Variants in ABCC1 observed in about 807,000 individuals in gnomAD.
The protein encoded by ABCC1 is ATP binding cassette subfamily C member 1 (ABCC1 blood group).
A neutral mutation model predicts 172.9 loss-of-function variants in ABCC1; 83 were observed. The observed-to-expected ratio is 0.48, with a 90% CI of 0.40 to 0.58. The LOEUF is 0.58. ABCC1 is among the 20% of genes least tolerant of loss of function. The pLI, the probability that ABCC1 is intolerant of heterozygous loss-of-function variation, is 0.00. For synonymous variants in ABCC1, 937 were observed against 825.2 expected, an observed-to-expected ratio of 1.14 and a Z score of -2.32; for missense variants, 1,817 against 2,002.7, an observed-to-expected ratio of 0.91 and a Z score of 1.77.
At chr16:16,038,574 C>A (rs1024006866) in intron 7 of ABCC1, among the ~76,000 whole-genome samples, 1 of 152,158 alleles carries the variant, frequency 6.6e-6, no homozygotes, top group Admixed American at 6.6e-5. Flanking sequence ...GAGGATGGAT[C>A]TTCCTTAGTC....
chr16:15,966,753 C>T (rs985570995), intron 1 of ABCC1, among the ~76,000 whole-genome samples: 2 of 151,358 alleles, frequency 1.3e-5, no homozygotes, highest in South Asian at 2.1e-4. Flanking sequence ...TGGCCTCAAG[C>T]GATCTTCCTG....
In ABCC1 at chr16:16,136,548, T is replaced by C. The variant is rs1176817207; in HGVS notation, c.4196T>C (p.Val1399Ala). ...TTCAGCCAGTACTCGGATGAAGAAG[T>C]CTGGACGTCCCTGGAGCTGGCCCAC... ...DPFSQYSDEEVWTSLELAHLK... is the reference protein window; with the variant it reads ...DPFSQYSDEEAWTSLELAHLK... Residue 1399 changes from valine (V) to alanine (A), a missense_variant, in exon 29 of 31, where the codon GTC becomes GCC. Coordinates refer to ENST00000399410, the MANE Select transcript of ABCC1 (RefSeq NM_004996.4). 1 of 1,613,978 alleles carries C rather than the reference T, an allele frequency of 6.2e-7. No homozygotes were observed. The highest frequency in any genetic ancestry group is 8.5e-7 in the Non-Finnish European group (1 of 1,180,022).
At chr16:16,138,669 C>T in intron 30 of ABCC1, 111 bp downstream of exon 30, 1 of 825,046 alleles carries the variant, frequency 1.2e-6, no homozygotes, top group Non-Finnish European at 1.7e-6. Flanking sequence ...AGTGACAGCC[C>T]CAGTGGGTGG....
intron 3 of ABCC1, among the ~76,000 whole-genome samples, chr16:16,010,715 A>G (rs2047744958): frequency 6.6e-6 from 1 of 152,176 alleles, no homozygotes; most frequent in South Asian, 2.1e-4. Context: ...CTTGAAATTC[A>G]TTGAATTTTC....
At chr16:15,997,466 G>A (rs1053316938) in intron 1 of ABCC1, among the ~76,000 whole-genome samples, 2 of 152,164 alleles carry the variant, frequency 1.3e-5, no homozygotes, top group Non-Finnish European at 2.9e-5. Flanking sequence ...TGCAGTGACC[G>A]GTGACCGTGT....
chr16:16,046,766 T>A (rs1255863352), intron 9 of ABCC1, among the ~76,000 whole-genome samples: 2 of 54,458 alleles, frequency 3.7e-5, no homozygotes, highest in African/African-American at 1.9e-4. Flanking sequence ...TCCCTATAAA[T>A]TTTTTTTTTT....
chr16:15,986,582 T>C (rs755155743), intron 1 of ABCC1, among the ~76,000 whole-genome samples: 2 of 152,290 alleles, frequency 1.3e-5, no homozygotes, highest in Admixed American at 6.5e-5. Flanking sequence ...AACAGTTTCA[T>C]CCTGAAAGCC....
chr16:16,136,377 C>A, intron 28 of ABCC1, 101 bp from the exon 29 acceptor site: 3 of 1,311,938 alleles, frequency 2.3e-6, no homozygotes, highest in South Asian at 1.5e-5. Flanking sequence ...AGCTCTGATA[C>A]CCCACCTTCA....
rs113883981 is a variant in ABCC1, at chr16:16,091,697, G to T, written c.2644+1109G>T. Among the ~76,000 whole-genome samples the T allele has an allele frequency of 6.4e-3, 980 of 152,284 alleles. 9 individuals carry two copies. The highest frequency in any genetic ancestry group is 0.022 in the African/African-American group (932 of 41,578). On this transcript the variant is annotated intron_variant, in intron 19 of 30. Coordinates refer to ENST00000399410, the MANE Select transcript of ABCC1 (RefSeq NM_004996.4). The stretch of plus-strand genomic sequence containing the variant: ...GCCAGACCATGGTGTGCCAGGACGT[G>T]GGGGGCAGGAGAAGAGGTCAGCACA...
At position 15,992,865 on chromosome 16, in the gene ABCC1, C is replaced by A. The variant is rs76154268; in HGVS notation, c.49-14951C>A. Among the ~76,000 whole-genome samples the A allele has an allele frequency of 1.0e-3, 155 of 152,280 alleles. 1 individual carries two copies. The highest frequency in any genetic ancestry group is 3.4e-3 in the Middle Eastern group (1 of 294). ...TGACTTCTCCCGCCCAATCTTGGGT[C>A]CTAGCTCATTGGTGCAGCCATATCC... On this transcript the variant is annotated intron_variant, in intron 1 of 30. Coordinates refer to ENST00000399410, the MANE Select transcript of ABCC1 (RefSeq NM_004996.4).
At chr16:16,009,989 T>G (rs2047715458) in intron 3 of ABCC1, 88 bp downstream of exon 3, 3 of 1,092,174 alleles carry the variant, frequency 2.7e-6, no homozygotes, top group Non-Finnish European at 3.6e-6. Context: ...GAATCATAGT[T>G]TTTTAAGGCA....
At position 16,063,722 on chromosome 16, in the gene ABCC1, C is replaced by T. The variant is rs1033703158; in HGVS notation, c.1678-4434C>T. Reference sequence around the variant, plus strand: ...TGGGAATAACAACGTCTCTGACTCTCAGCTCTGCTTTCTTGATGGTGGTTT... The same window carrying T: ...TGGGAATAACAACGTCTCTGACTCTTAGCTCTGCTTTCTTGATGGTGGTTT... On this transcript the variant is annotated intron_variant, in intron 12 of 30. Coordinates refer to ENST00000399410, the MANE Select transcript of ABCC1 (RefSeq NM_004996.4). Among the ~76,000 whole-genome samples, 4 of 152,326 alleles carry T rather than the reference C, an allele frequency of 2.6e-5. No homozygotes were observed. In the South Asian group the frequency reaches 8.3e-4, roughly 32 times the overall value.
At chr16:15,979,038 G>GCTAC (rs2046558167) in intron 1 of ABCC1, among the ~76,000 whole-genome samples, 5 of 152,176 alleles carry the variant, frequency 3.3e-5, no homozygotes, top group Admixed American at 6.5e-5. Flanking sequence ...CACACCCGTA[G>GCTAC]TCCCAGCACT....
chr16:16,101,245 G>A (rs1436247822), intron 19 of ABCC1, among the ~76,000 whole-genome samples: 1 of 152,074 alleles, frequency 6.6e-6, no homozygotes, highest in Non-Finnish European at 1.5e-5. Context: ...TGTTGGCCAG[G>A]CTGGTCTTGA....
At position 16,110,935 on chromosome 16, in the gene ABCC1, C is replaced by T. The variant is rs1441676495; in HGVS notation, c.2872-440C>T. 2.6e-5 allele frequency among the ~76,000 whole-genome samples: 4 copies of T among 152,162 alleles called. No homozygotes were observed. In the East Asian group the frequency reaches 7.7e-4, roughly 29 times the overall value. ...CTTTTTTTTGAGACGGAGTCTCACTCTGTCGCCCAGGCTGGAGTGCAGTGG... is the reference window on the plus strand; with the variant it reads ...CTTTTTTTTGAGACGGAGTCTCACTTTGTCGCCCAGGCTGGAGTGCAGTGG... On this transcript the variant is annotated intron_variant, in intron 21 of 30. Transcript: ENST00000399410.
At chr16:16,046,765 AT>A (rs59987503) in intron 9 of ABCC1, among the ~76,000 whole-genome samples, 227 of 144,836 alleles carry the variant, frequency 1.6e-3, no homozygotes, top group Middle Eastern at 3.5e-3. Context: ...ATCCCTATAA[AT>A]TTTTTTTTTT....
intron 26 of ABCC1, among the ~76,000 whole-genome samples, chr16:16,129,988 G>C (rs1348068701): frequency 2.6e-5 from 4 of 152,258 alleles, no homozygotes; most frequent in Admixed American, 1.3e-4. Flanking sequence ...CCTGGACGGG[G>C]AGGTGCATTC....
intron 7 of ABCC1, among the ~76,000 whole-genome samples, chr16:16,043,690 C>T (rs1290208854): frequency 6.6e-6 from 1 of 152,086 alleles, no homozygotes; most frequent in East Asian, 1.9e-4. Flanking sequence ...CAACCTCCAC[C>T]TCCCAGGTTC....
chr16:15,956,887 G>A lies in ABCC1; in HGVS notation c.48+7088G>A, dbSNP rs215102. 5.0e-4 allele frequency among the ~76,000 whole-genome samples: 76 copies of A among 152,174 alleles called. 2 individuals carry two copies. In the East Asian group the frequency reaches 0.013, roughly 27 times the overall value. On this transcript the variant is annotated intron_variant, in intron 1 of 30. Transcript: ENST00000399410. ...GCATAATCTGAGTATAAGTGGACCC[G>A]TGCAGTTTAAATGTGTGTTGTTCAA... is the stretch of plus-strand genomic sequence containing the variant.
Sources: gnomAD v4.1 joint callset for allele counts (sites outside exome capture counted in the v4.1 genomes callset) on GRCh38, gnomAD v4.1.1 for gene constraint, MANE v1.5 for transcripts, NCBI Gene and HGNC (gene_info 2026-07-23, HGNC 2026-07-21) for gene names.